Variants in NSF observed in about 807,000 individuals in gnomAD.
The protein encoded by NSF is vesicle-fusing ATPase.
NSF carries 14 observed loss-of-function variants against 50.3 expected under a neutral mutation model. The observed-to-expected ratio is 0.28, with a 90% CI of 0.18 to 0.44. The LOEUF is 0.44. NSF is among the 20% of genes least tolerant of loss of function. The pLI, the probability that NSF is intolerant of heterozygous loss-of-function variation, is 1.00. For synonymous variants in NSF, 109 were observed against 175.7 expected (o/e 0.62, Z 3.00); for missense variants, 218 against 504.3 (o/e 0.43, Z 5.44).
intron 19 of NSF, among the ~76,000 whole-genome samples, 164 bp downstream of exon 19, chr17:46,751,780 T>C (rs2059184083): frequency 6.6e-6 from 1 of 152,226 alleles, no homozygotes; most frequent in South Asian, 2.1e-4. Flanking sequence ...CTGAGATTGA[T>C]CACTTAACAA....
At chr17:46,736,349 C>T (rs979328066) in intron 17 of NSF, among the ~76,000 whole-genome samples, 1 of 152,178 alleles carries the variant, frequency 6.6e-6, no homozygotes, top group African/African-American at 2.4e-5. Context: ...GCTGAAGTTC[C>T]CCTTTTCTCC....
intron 15 of NSF, among the ~76,000 whole-genome samples, chr17:46,714,235 C>T (rs2058746069): frequency 6.6e-6 from 1 of 152,042 alleles, no homozygotes; most frequent in African/African-American, 2.4e-5. Flanking sequence ...AGTTTCATTG[C>T]CTAGTTTTGT....
intron 17 of NSF, among the ~76,000 whole-genome samples, chr17:46,744,602 A>G (rs1283422807): frequency 3.3e-5 from 5 of 151,314 alleles, no homozygotes; most frequent in African/African-American, 2.4e-5. Context: ...GTATTATATT[A>G]GTGGCATTTT....
At chr17:46,751,789 A>G (rs2059184144) in intron 19 of NSF, among the ~76,000 whole-genome samples, 173 bp downstream of exon 19, 1 of 152,198 alleles carries the variant, frequency 6.6e-6, no homozygotes, top group African/African-American at 2.4e-5. Flanking sequence ...ATCACTTAAC[A>G]ATACTTTTTA....
chr17:46,726,751 T>C, intron 16 of NSF, 136 bp downstream of exon 16: 1 of 794,386 alleles, frequency 1.3e-6, no homozygotes, highest in Non-Finnish European at 2.2e-6. Flanking sequence ...CAAGGAAATA[T>C]AATGTTCTCT....
Position 46,749,739 on chromosome 17 carries a change from T to C in NSF, c.1909-34T>C, listed in dbSNP as rs12449943. On this transcript the variant is annotated intron_variant, in intron 17 of 20. Coordinates refer to ENST00000398238, the MANE Select transcript of NSF (RefSeq NM_006178.4). Reference sequence around the variant, plus strand: ...TGTAGTTTCCTAATTAGTCTTATTATGTACATTTTAACACATTTTCTCCCT... The same window carrying C: ...TGTAGTTTCCTAATTAGTCTTATTACGTACATTTTAACACATTTTCTCCCT... 1,938 of 1,592,644 alleles carry C rather than the reference T, an allele frequency of 1.2e-3. 28 individuals are homozygous for C. In the African/African-American group the frequency reaches 0.022, roughly 18 times the overall value.
chr17:46,748,595 T>C (rs1192045093), intron 17 of NSF, among the ~76,000 whole-genome samples: 1 of 152,126 alleles, frequency 6.6e-6, no homozygotes, highest in African/African-American at 2.4e-5. Flanking sequence ...AAGGCTGGGA[T>C]ACAGGGAATC....
intron 17 of NSF, among the ~76,000 whole-genome samples, chr17:46,747,270 A>C (rs1472753699): frequency 6.6e-6 from 1 of 152,176 alleles, no homozygotes; most frequent in Non-Finnish European, 1.5e-5. Flanking sequence ...TCATTTTTGC[A>C]ATCTATAATA....
intron 4 of NSF, among the ~76,000 whole-genome samples, chr17:46,631,061 TACACACACACACACACAC>T (rs61399986): frequency 1.6e-5 from 2 of 122,772 alleles, no homozygotes; most frequent in Non-Finnish European, 3.2e-5. Flanking sequence ...TCTCTCTCTG[TACACACACACACACACAC>T]ACACACACAC....
At chr17:46,679,881 G>C (rs900122106) in intron 9 of NSF, among the ~76,000 whole-genome samples, 1 of 149,866 alleles carries the variant, frequency 6.7e-6, no homozygotes, top group Admixed American at 6.7e-5. Flanking sequence ...ATAATAAAAA[G>C]GTAATTTTAA....
intron 17 of NSF, among the ~76,000 whole-genome samples, chr17:46,743,803 CAA>C (rs2059101094): frequency 6.6e-6 from 1 of 152,204 alleles, no homozygotes; most frequent in Non-Finnish European, 1.5e-5. Flanking sequence ...TCTTCCTCCT[CAA>C]GAGCCTTCTC....
At chr17:46,750,660 A>G (rs964236585) in intron 18 of NSF, among the ~76,000 whole-genome samples, 2 of 152,240 alleles carry the variant, frequency 1.3e-5, no homozygotes, top group African/African-American at 4.8e-5. Context: ...ACAAACTGCC[A>G]GGAATTAATT....
chr17:46,754,234 C>T (rs2059211956), intron 19 of NSF, among the ~76,000 whole-genome samples: 1 of 145,878 alleles, frequency 6.9e-6, no homozygotes, highest in Non-Finnish European at 1.5e-5. Flanking sequence ...CTTTTGTTAG[C>T]TATTCACACT....
intron 17 of NSF, among the ~76,000 whole-genome samples, chr17:46,745,702 C>T (rs542742587): frequency 6.6e-6 from 1 of 152,320 alleles, no homozygotes; most frequent in African/African-American, 2.4e-5. Context: ...AGAGAAGTAA[C>T]AGTTACCTTT....
At chr17:46,737,176 C>T (rs1311662658) in intron 17 of NSF, among the ~76,000 whole-genome samples, 3 of 152,088 alleles carry the variant, frequency 2.0e-5, no homozygotes, top group African/African-American at 7.2e-5. Context: ...AGTCCAAGAA[C>T]ACTGTTCAAT....
intron 17 of NSF, among the ~76,000 whole-genome samples, chr17:46,731,626 G>A (rs926687937): frequency 6.6e-6 from 1 of 152,056 alleles, no homozygotes; most frequent in Non-Finnish European, 1.5e-5. Context: ...AAGAGGAATT[G>A]GATCATTTAA....
chr17:46,723,805 C>T (rs2058857383), intron 15 of NSF, among the ~76,000 whole-genome samples: 1 of 152,208 alleles, frequency 6.6e-6, no homozygotes, highest in African/African-American at 2.4e-5. Flanking sequence ...TCACCTAGAA[C>T]TCCACAATCT....
chr17:46,752,756 C>T (rs1282239342), intron 19 of NSF, among the ~76,000 whole-genome samples: 5 of 151,870 alleles, frequency 3.3e-5, no homozygotes, highest in Non-Finnish European at 7.4e-5. Flanking sequence ...ATGCCTGGCC[C>T]TCGGTAACTT....
At chr17:46,755,269 T>C in intron 19 of NSF, 45 bp from the exon 20 acceptor site, 1 of 1,453,398 alleles carries the variant, frequency 6.9e-7, no homozygotes, top group East Asian at 2.3e-5. Flanking sequence ...GCAGAGTTGT[T>C]AGAAGGTACC....
Sources: allele counts gnomAD v4.1 joint callset (sites outside exome capture counted in the v4.1 genomes callset), GRCh38; gene constraint gnomAD v4.1.1; transcripts MANE v1.5; gene names NCBI Gene and HGNC (gene_info 2026-07-23, HGNC 2026-07-21).